MACROD2: variants seen among roughly 807,000 people sequenced by gnomAD.
MACROD2 encodes mono-ADP ribosylhydrolase 2.
Under a neutral mutation model 70.4 loss-of-function variants are expected in MACROD2, and 36 were observed. The observed-to-expected ratio is 0.51, with a 90% CI of 0.39 to 0.68. MACROD2 has a LOEUF of 0.68. MACROD2 is among the 30% of genes least tolerant of loss of function. The pLI is 0.00. For synonymous variants in MACROD2, 172 were observed against 178.8 expected (o/e 0.96, Z 0.30); for missense variants, 496 against 538.4 (o/e 0.92, Z 0.78).
intron 3 of MACROD2, among the ~76,000 whole-genome samples, chr20:14,298,386 G>A: frequency 6.6e-6 from 1 of 151,672 alleles, no homozygotes. Context: ...TGGCCAACAT[G>A]GTGAAACTCC....
chr20:15,967,698 A>AAAT (rs2066164949), intron 13 of MACROD2, 68 bp downstream of exon 13: 5 of 1,361,852 alleles, frequency 3.7e-6, no homozygotes. Context: ...AAAAAAAAAA[A>AAAT]AAACCCACAG....
intron 3 of MACROD2, among the ~76,000 whole-genome samples, chr20:14,299,877 T>C (rs1202759034): frequency 6.6e-6 from 1 of 152,202 alleles, no homozygotes; most frequent in African/African-American, 2.4e-5. Flanking sequence ...GACCAGTTAA[T>C]TGAGATTCTC....
At chr20:14,427,487 T>C (rs1294251435) in intron 3 of MACROD2, among the ~76,000 whole-genome samples, 1 of 151,124 alleles carries the variant, frequency 6.6e-6, no homozygotes, top group African/African-American at 2.4e-5. Flanking sequence ...TAGATCAATA[T>C]ATCTAGTATC....
chr20:14,553,981 T>A (rs1429606521), intron 4 of MACROD2, among the ~76,000 whole-genome samples: 2 of 152,164 alleles, frequency 1.3e-5, no homozygotes, highest in African/African-American at 4.8e-5. Flanking sequence ...AATCAGCTGT[T>A]CATAGAACTC....
chr20:14,038,523 C>CG (rs1454781019), intron 2 of MACROD2, among the ~76,000 whole-genome samples: 1 of 152,218 alleles, frequency 6.6e-6, no homozygotes, highest in Non-Finnish European at 1.5e-5. Flanking sequence ...CCCAGACCTT[C>CG]TATCCTCTTC....
intron 3 of MACROD2, among the ~76,000 whole-genome samples, chr20:14,475,329 T>G (rs113781306): frequency 2.3e-3 from 349 of 151,478 alleles, no homozygotes; most frequent in African/African-American, 7.9e-3. Context: ...CCATAATTAA[T>G]TAATATAATT....
intron 1 of MACROD2, chr20:13,996,357 C>G (rs1388837301): frequency 6.2e-6 from 1 of 160,454 alleles, no homozygotes; most frequent in Non-Finnish European, 1.3e-5. Flanking sequence ...TTCCTTCCTT[C>G]GCTGCCGCAG....
intron 3 of MACROD2, among the ~76,000 whole-genome samples, chr20:14,265,623 A>T (rs2082138025): frequency 1.3e-5 from 2 of 151,948 alleles, no homozygotes; most frequent in African/African-American, 4.8e-5. Flanking sequence ...TCCATACAAC[A>T]CTCTCATGGA....
At chr20:14,808,810 T>C (rs1258706067) in intron 5 of MACROD2, among the ~76,000 whole-genome samples, 4 of 149,856 alleles carry the variant, frequency 2.7e-5, no homozygotes, top group Admixed American at 2.7e-4. Context: ...AAAAGAGACT[T>C]TAAACCAGCA....
At chr20:14,104,705 C>G (rs375490998) in intron 3 of MACROD2, among the ~76,000 whole-genome samples, 45 of 152,286 alleles carry the variant, frequency 3.0e-4, no homozygotes, top group African/African-American at 8.4e-4. Flanking sequence ...AGCACTTCTC[C>G]CTTTGCATCC....
At chr20:15,834,725 G>C (rs1025408575) in intron 8 of MACROD2, among the ~76,000 whole-genome samples, 2 of 152,116 alleles carry the variant, frequency 1.3e-5, no homozygotes, top group African/African-American at 4.8e-5. Context: ...CAGTTTCATA[G>C]ATTTTTTTGC....
chr20:14,594,882 A>T (rs1982017589), intron 4 of MACROD2, among the ~76,000 whole-genome samples: 1 of 152,160 alleles, frequency 6.6e-6, no homozygotes, highest in South Asian at 2.1e-4. Flanking sequence ...AAAGAGCGAG[A>T]CTCCATCTCA....
At chr20:15,944,582 T>G (rs1225414391) in intron 12 of MACROD2, among the ~76,000 whole-genome samples, 1 of 152,174 alleles carries the variant, frequency 6.6e-6, no homozygotes, top group African/African-American at 2.4e-5. Context: ...TTGAATTGTT[T>G]CTGTGGTTTC....
intron 3 of MACROD2, among the ~76,000 whole-genome samples, chr20:14,385,562 CTT>C (rs1359384344): frequency 6.6e-6 from 1 of 152,108 alleles, no homozygotes; most frequent in Non-Finnish European, 1.5e-5. Context: ...CATAAAAGAA[CTT>C]TAAAGTTTTA....
chr20:15,759,127 C>T (rs1421332380), intron 8 of MACROD2, among the ~76,000 whole-genome samples: 1 of 115,764 alleles, frequency 8.6e-6, no homozygotes, highest in Admixed American at 1.3e-4. Context: ...GCCTGGGTGA[C>T]AGAGCAAGAC....
intron 3 of MACROD2, among the ~76,000 whole-genome samples, chr20:14,269,838 T>C (rs1331629009): frequency 6.6e-6 from 1 of 151,876 alleles, no homozygotes; most frequent in Non-Finnish European, 1.5e-5. Flanking sequence ...TTAAAGAGTG[T>C]TTTTGGATTT....
intron 1 of MACROD2, among the ~76,000 whole-genome samples, chr20:14,000,648 G>A (rs1040201011): frequency 6.6e-6 from 1 of 152,218 alleles, no homozygotes; most frequent in African/African-American, 2.4e-5. Context: ...GACATACAGA[G>A]TGAAGAAGCC....
At chr20:15,361,881 T>C (rs1278571115) in intron 6 of MACROD2, among the ~76,000 whole-genome samples, 5 of 152,198 alleles carry the variant, frequency 3.3e-5, no homozygotes, top group African/African-American at 9.6e-5. Context: ...CAGAATAAAA[T>C]TGATTTTTTT....
chr20:14,384,303 T>C (rs1315953073), intron 3 of MACROD2, among the ~76,000 whole-genome samples: 1 of 152,128 alleles, frequency 6.6e-6, no homozygotes, highest in Non-Finnish European at 1.5e-5. Context: ...AAATTATTAG[T>C]CTAAAGTTTG....
Sources: allele counts gnomAD v4.1 joint callset (sites outside exome capture counted in the v4.1 genomes callset), GRCh38; gene constraint gnomAD v4.1.1; transcripts MANE v1.5; gene names NCBI Gene and HGNC (gene_info 2026-07-23, HGNC 2026-07-21).